Variants in SLC9A9 observed in about 807,000 individuals in gnomAD.
The protein encoded by SLC9A9 is sodium/hydrogen exchanger 9.
A neutral mutation model predicts 77.8 loss-of-function variants in SLC9A9; 62 were observed. The observed-to-expected ratio is 0.80, with a 90% CI of 0.65 to 0.98. The LOEUF is 0.98. SLC9A9 is among the 50% of genes least tolerant of loss of function. The pLI, the probability that SLC9A9 is intolerant of heterozygous loss-of-function variation, is 0.00. For missense variants in SLC9A9, 775 were observed against 774.9 expected, an observed-to-expected ratio of 1.00 and a Z score of 0.00; for synonymous variants, 320 against 283.5, an observed-to-expected ratio of 1.13 and a Z score of -1.29.
intron 14 of SLC9A9, among the ~76,000 whole-genome samples, chr3:143,345,090 C>T (rs951235694): frequency 7.9e-5 from 12 of 152,078 alleles, no homozygotes; most frequent in African/African-American, 2.9e-4. Context: ...AAGATAACTC[C>T]TGAGTTTGGT....
intron 1 of SLC9A9, among the ~76,000 whole-genome samples, chr3:143,842,862 G>A (rs1208472254): frequency 6.6e-6 from 1 of 152,204 alleles, no homozygotes; most frequent in East Asian, 1.9e-4. Flanking sequence ...TGGAAGGAAA[G>A]CTTCTGGTTT....
intron 6 of SLC9A9, among the ~76,000 whole-genome samples, chr3:143,608,672 T>C (rs934361635): frequency 2.0e-5 from 3 of 152,214 alleles, no homozygotes; most frequent in African/African-American, 7.2e-5. Flanking sequence ...ATACCATTTA[T>C]GTAAAATTTT....
At chr3:143,614,008 C>T (rs999759351) in intron 6 of SLC9A9, among the ~76,000 whole-genome samples, 7 of 152,138 alleles carry the variant, frequency 4.6e-5, no homozygotes, top group African/African-American at 1.7e-4. Context: ...CATAGTGTAT[C>T]TCTCTTCTAT....
intron 9 of SLC9A9, among the ~76,000 whole-genome samples, chr3:143,547,703 G>A (rs1048097189): frequency 6.6e-6 from 1 of 152,130 alleles, no homozygotes; most frequent in Admixed American, 6.5e-5. Context: ...ATGTCCACAT[G>A]GCTCCCTCTT....
intron 5 of SLC9A9, among the ~76,000 whole-genome samples, chr3:143,662,492 G>A (rs1234829512): frequency 6.6e-6 from 1 of 152,202 alleles, no homozygotes; most frequent in Non-Finnish European, 1.5e-5. Context: ...AGCTGAAGCA[G>A]GGCGGGGCAT....
intron 14 of SLC9A9, among the ~76,000 whole-genome samples, chr3:143,319,012 CTT>C (rs907334968): frequency 1.3e-5 from 2 of 152,128 alleles, no homozygotes; most frequent in Non-Finnish European, 2.9e-5. Context: ...ATAACTTTGA[CTT>C]ATAATAAATA....
At chr3:143,602,178 A>C (rs1017099862) in intron 6 of SLC9A9, among the ~76,000 whole-genome samples, 1 of 152,214 alleles carries the variant, frequency 6.6e-6, no homozygotes, top group African/African-American at 2.4e-5. Context: ...AAATCAGCCA[A>C]GAGTTAGAGG....
chr3:143,640,734 C>A (rs1288189915), intron 6 of SLC9A9, among the ~76,000 whole-genome samples: 3 of 152,060 alleles, frequency 2.0e-5, no homozygotes, highest in Admixed American at 2.0e-4. Context: ...GGTCTGTGGT[C>A]CCAGCTACTC....
intron 9 of SLC9A9, among the ~76,000 whole-genome samples, chr3:143,506,481 A>G (rs972708792): frequency 2.6e-5 from 4 of 152,158 alleles, no homozygotes; most frequent in Non-Finnish European, 5.9e-5. Context: ...ATAGGGTATC[A>G]TTTTATTTTA....
intron 4 of SLC9A9, among the ~76,000 whole-genome samples, chr3:143,745,735 G>T (rs1264327193): frequency 6.6e-6 from 1 of 152,164 alleles, no homozygotes; most frequent in Non-Finnish European, 1.5e-5. Flanking sequence ...CAGGCACTTG[G>T]AATAAAATGT....
intron 5 of SLC9A9, among the ~76,000 whole-genome samples, chr3:143,663,804 A>G (rs1414481430): frequency 6.6e-6 from 1 of 152,238 alleles, no homozygotes; most frequent in African/African-American, 2.4e-5. Flanking sequence ...CCTCCAAGAA[A>G]TACGGGAAAC....
intron 15 of SLC9A9, among the ~76,000 whole-genome samples, chr3:143,268,578 A>G (rs186227982): frequency 1.3e-4 from 20 of 151,992 alleles, no homozygotes; most frequent in East Asian, 9.7e-4. Flanking sequence ...CTAAAAGTAC[A>G]AAAAATTAGC....
intron 9 of SLC9A9, among the ~76,000 whole-genome samples, chr3:143,511,988 G>A (rs1214413578): frequency 6.6e-6 from 1 of 152,140 alleles, no homozygotes; most frequent in Non-Finnish European, 1.5e-5. Flanking sequence ...CAAAAAAAGG[G>A]TAAAGTCACA....
intron 9 of SLC9A9, among the ~76,000 whole-genome samples, chr3:143,496,498 A>T (rs1163334672): frequency 6.6e-6 from 1 of 152,258 alleles, no homozygotes. Flanking sequence ...CTGACAGTTG[A>T]CAGAAAGAAA....
intron 14 of SLC9A9, among the ~76,000 whole-genome samples, chr3:143,331,387 C>A (rs887845999): frequency 6.6e-6 from 1 of 152,156 alleles, no homozygotes; most frequent in African/African-American, 2.4e-5. Flanking sequence ...TACTAATAGA[C>A]CTTTTACAAT....
Position 143,767,376 on chromosome 3 carries a change from A to ATGTGTGTGTGTGTGTGTG in SLC9A9, c.533+27607_533+27624dup, listed in dbSNP as rs142594079. Among the ~76,000 whole-genome samples the ATGTGTGTGTGTGTGTGTG allele has an allele frequency of 1.5e-3, 205 of 141,366 alleles. 1 individual carries two copies. Among genetic ancestry groups the ATGTGTGTGTGTGTGTGTG allele is most frequent in the African/African-American group, 5.0e-3 (194 of 38,760 alleles). The allele number at this position is 141,366 out of a possible 152,430, so 92.7% of individuals were successfully genotyped here. A position where few individuals can be genotyped will look rare whatever the true frequency, so the allele number is the denominator to read the frequency against. On this transcript the variant is annotated intron_variant, in intron 4 of 15. Transcript: ENST00000316549. ...TTTGTGAAACAGTAAGTGTCTGTGT[A>ATGTGTGTGTGTGTGTGTG]TGTGTGTGTGTGTGTGTGTGTGTGT... is the stretch of plus-strand genomic sequence containing the variant.
In SLC9A9 at chr3:143,719,467, TA is replaced by T. The variant is rs142292378; in HGVS notation, c.534-26161del. ...CCTTTCAGGGATGGGAGAAATTCAT[TA>T]AAAGAGTTCTGGATCCTCAGCATTT... On this transcript the variant is annotated intron_variant, in intron 4 of 15. Coordinates refer to ENST00000316549, the MANE Select transcript of SLC9A9 (RefSeq NM_173653.4). Among the ~76,000 whole-genome samples the T allele has an allele frequency of 3.3e-5, 5 of 152,264 alleles. No individual in the cohort carries two copies. The South Asian group carries it at 1.0e-3, about 32-fold the overall frequency.
chr3:143,639,620 A>G (rs2038587158), intron 6 of SLC9A9, among the ~76,000 whole-genome samples: 1 of 152,316 alleles, frequency 6.6e-6, no homozygotes, highest in Non-Finnish European at 1.5e-5. Flanking sequence ...CATCTTACTA[A>G]AAGTGAGCAG....
At chr3:143,709,104 A>T in intron 4 of SLC9A9, among the ~76,000 whole-genome samples, 1 of 152,178 alleles carries the variant, frequency 6.6e-6, no homozygotes, top group Non-Finnish European at 1.5e-5. Context: ...GTAGTAATTC[A>T]CAGGCGTGGG....
Sources: gnomAD v4.1 joint callset for allele counts (sites outside exome capture counted in the v4.1 genomes callset) on GRCh38, gnomAD v4.1.1 for gene constraint, MANE v1.5 for transcripts, NCBI Gene and HGNC (gene_info 2026-07-23, HGNC 2026-07-21) for gene names.